DNM3: variants seen among roughly 807,000 people sequenced by gnomAD.
DNM3 encodes dynamin-3.
In DNM3, 47 loss-of-function variants were observed where a neutral mutation model predicts 101.6. That is an observed-to-expected ratio of 0.46 (90% confidence interval 0.37 to 0.59). The LOEUF (loss-of-function observed/expected upper bound fraction) is 0.59, where lower values mean the gene tolerates loss of function less well. Among genes scored for constraint, DNM3 ranks in the 20% least tolerant of loss-of-function variants. The pLI is 0.00. For missense variants in DNM3, 849 were observed against 1,085.7 expected, an observed-to-expected ratio of 0.78 and a Z score of 3.06; for synonymous variants, 385 against 387.9, an observed-to-expected ratio of 0.99 and a Z score of 0.09.
chr1:172,173,005 C>T (rs1558676063), intron 14 of DNM3, among the ~76,000 whole-genome samples: 1 of 151,822 alleles, frequency 6.6e-6, no homozygotes, highest in African/African-American at 2.4e-5. Flanking sequence ...GCTACCATTA[C>T]AGGTGGTGAA....
intron 1 of DNM3, among the ~76,000 whole-genome samples, chr1:171,855,203 C>T (rs1003138271): frequency 6.6e-6 from 1 of 152,262 alleles, no homozygotes; most frequent in South Asian, 2.1e-4. Flanking sequence ...CTGCAAAGAA[C>T]ATGATCTCAT....
intron 15 of DNM3, among the ~76,000 whole-genome samples, chr1:172,271,447 G>A (rs1248483068): frequency 6.6e-6 from 1 of 151,228 alleles, no homozygotes; most frequent in Admixed American, 6.6e-5. Flanking sequence ...TTACAGTTTT[G>A]CAAATCTTCT....
At chr1:172,009,415 G>T (rs182305848) in intron 4 of DNM3, among the ~76,000 whole-genome samples, 70 of 151,078 alleles carry the variant, frequency 4.6e-4, no homozygotes, top group Middle Eastern at 3.4e-3. Context: ...ATTTTGCTTG[G>T]AATTATGTTA....
intron 7 of DNM3, among the ~76,000 whole-genome samples, chr1:172,040,095 T>A (rs2049261809): frequency 6.6e-6 from 1 of 152,132 alleles, no homozygotes; most frequent in African/African-American, 2.4e-5. Context: ...AAGAGAATCA[T>A]GAGAACTTTG....
At chr1:172,314,902 G>A (rs555352103) in intron 16 of DNM3, among the ~76,000 whole-genome samples, 13 of 152,282 alleles carry the variant, frequency 8.5e-5, no homozygotes, top group African/African-American at 2.2e-4. Context: ...CTCCCAGCAC[G>A]CAGCTGGAGA....
intron 13 of DNM3, among the ~76,000 whole-genome samples, chr1:172,108,278 C>T (rs2055214676): frequency 6.6e-6 from 1 of 152,120 alleles, no homozygotes; most frequent in South Asian, 2.1e-4. Flanking sequence ...CCCCCACCCC[C>T]TAGTGAAGTC....
intron 17 of DNM3, among the ~76,000 whole-genome samples, chr1:172,357,356 T>A (rs1187534160): frequency 6.6e-6 from 1 of 152,066 alleles, no homozygotes; most frequent in Non-Finnish European, 1.5e-5. Flanking sequence ...AACCAAATGA[T>A]CAAAGTTAAC....
chr1:172,159,967 C>G (rs1206598510), intron 14 of DNM3, among the ~76,000 whole-genome samples: 2 of 151,320 alleles, frequency 1.3e-5, no homozygotes, highest in African/African-American at 4.9e-5. Context: ...GCATGTTACT[C>G]TACTGAATAC....
intron 1 of DNM3, among the ~76,000 whole-genome samples, chr1:171,905,590 G>C (rs1414641592): frequency 6.6e-6 from 1 of 152,110 alleles, no homozygotes; most frequent in Non-Finnish European, 1.5e-5. Flanking sequence ...CGGTATATGT[G>C]GTGGGGAGGA....
At chr1:172,234,009 C>G (rs1446887413) in intron 14 of DNM3, among the ~76,000 whole-genome samples, 1 of 152,190 alleles carries the variant, frequency 6.6e-6, no homozygotes, top group South Asian at 2.1e-4. Context: ...CTCACCACTC[C>G]TATTCAACAT....
chr1:172,305,364 C>T (rs1166024668), intron 15 of DNM3, among the ~76,000 whole-genome samples: 1 of 152,180 alleles, frequency 6.6e-6, no homozygotes, highest in Non-Finnish European at 1.5e-5. Context: ...AGACCAATAA[C>T]AGGCTCTGAA....
chr1:171,995,809 T>A (rs1371325303), intron 4 of DNM3, among the ~76,000 whole-genome samples: 1 of 152,162 alleles, frequency 6.6e-6, no homozygotes, highest in Non-Finnish European at 1.5e-5. Context: ...TAGAGGACCA[T>A]TCTTCATTCT....
chr1:172,393,926 C>T (rs1416518659), intron 20 of DNM3: 1 of 152,398 alleles, frequency 6.6e-6, no homozygotes, highest in Non-Finnish European at 1.5e-5. Flanking sequence ...TCATTTGTTG[C>T]AGGTTTAATA....
chr1:171,896,909 G>T (rs1417986095), intron 1 of DNM3, among the ~76,000 whole-genome samples: 1 of 152,036 alleles, frequency 6.6e-6, no homozygotes, highest in African/African-American at 2.4e-5. Flanking sequence ...GGGAAATTTT[G>T]CTTTCTAAAG....
chr1:171,953,520 C>T (rs777891709), intron 2 of DNM3, among the ~76,000 whole-genome samples: 5 of 151,540 alleles, frequency 3.3e-5, no homozygotes, highest in Admixed American at 6.6e-5. Flanking sequence ...TTCTGCCTCC[C>T]GGGTTCAAGC....
chr1:172,277,925 C>G (rs962716541), intron 15 of DNM3, among the ~76,000 whole-genome samples: 31 of 152,018 alleles, frequency 2.0e-4, no homozygotes, highest in African/African-American at 6.5e-4. Context: ...GGTACAGATA[C>G]TTCCCAAACA....
chr1:172,312,514 C>T (rs1456943069), intron 16 of DNM3, among the ~76,000 whole-genome samples: 6 of 152,128 alleles, frequency 3.9e-5, no homozygotes, highest in African/African-American at 7.2e-5. Context: ...AATACATTCT[C>T]ACTATATATT....
At chr1:172,037,294 A>G (rs1558463265) in intron 6 of DNM3, among the ~76,000 whole-genome samples, 2 of 152,334 alleles carry the variant, frequency 1.3e-5, no homozygotes, top group Middle Eastern at 3.4e-3. Context: ...TACTGGGTAT[A>G]TACCCAAAGG....
intron 14 of DNM3, among the ~76,000 whole-genome samples, chr1:172,201,519 G>T (rs1305349291): frequency 6.6e-6 from 1 of 152,216 alleles, no homozygotes; most frequent in Non-Finnish European, 1.5e-5. Flanking sequence ...AGAATAGAGG[G>T]TCTGTGCTAT....
Sources: gnomAD v4.1 joint callset for allele counts (sites outside exome capture counted in the v4.1 genomes callset) on GRCh38, gnomAD v4.1.1 for gene constraint, MANE v1.5 for transcripts, NCBI Gene and HGNC (gene_info 2026-07-23, HGNC 2026-07-21) for gene names.